KIDINS220: variants seen among roughly 807,000 people sequenced by gnomAD.
The protein encoded by KIDINS220 is kinase D-interacting substrate of 220 kDa.
KIDINS220 carries 63 observed loss-of-function variants against 157.6 expected under a neutral mutation model. The ratio of observed to expected loss-of-function variants is 0.40; its 90% CI spans 0.33 to 0.49. The LOEUF (loss-of-function observed/expected upper bound fraction) is 0.49, where lower values mean the gene tolerates loss of function less well. Ranked by LOEUF, KIDINS220 falls within the 20% of genes least tolerant of loss-of-function variation. The pLI, the probability that KIDINS220 is intolerant of heterozygous loss-of-function variation, is 0.66. For missense variants in KIDINS220, 1,772 were observed against 2,171.2 expected, an observed-to-expected ratio of 0.82 and a Z score of 3.65; for synonymous variants, 732 against 783.6, an observed-to-expected ratio of 0.93 and a Z score of 1.10.
downstream of KIDINS220, chr2:8,727,081 T>G: frequency 9.9e-7 from 1 of 1,005,730 alleles, no homozygotes; most frequent in South Asian, 1.6e-5. Flanking sequence ...GTTTCTATTT[T>G]TCAATTCAGT....
At chr2:8,799,446 C>T (rs1279792137) in intron 9 of KIDINS220, among the ~76,000 whole-genome samples, 1 of 151,906 alleles carries the variant, frequency 6.6e-6, no homozygotes, top group Non-Finnish European at 1.5e-5. Context: ...TCTTCACCTA[C>T]CTAAATCCAA....
Position 8,793,999 on chromosome 2 carries a change from T to C in KIDINS220, c.1099-12A>G, listed in dbSNP as rs778176180. ...GGAGTATCTCCTTTCTGTAAAATAA[T>C]AGTACGAAACTTGAACTTTCTTATC... is the stretch of plus-strand genomic sequence containing the variant. On this transcript the variant is annotated splice_polypyrimidine_tract_variant and intron_variant, in intron 11 of 29. Coordinates refer to ENST00000256707, the MANE Select transcript of KIDINS220 (RefSeq NM_020738.4). 3.8e-6 allele frequency: 6 copies of C among 1,583,932 alleles called. No individual in the cohort carries two copies. The African/African-American group carries it at 4.1e-5, about 11-fold the overall frequency.
At chr2:8,835,484 T>C (rs966918014) in intron 1 of KIDINS220, among the ~76,000 whole-genome samples, 2 of 151,956 alleles carry the variant, frequency 1.3e-5, no homozygotes, top group African/African-American at 4.8e-5. Flanking sequence ...ACACATAAAA[T>C]GATACAGTTC....
At chr2:8,781,153 A>ATATAATAT (rs70946383) in intron 17 of KIDINS220, among the ~76,000 whole-genome samples, 3 of 130,408 alleles carry the variant, frequency 2.3e-5, no homozygotes, top group African/African-American at 8.5e-5. Flanking sequence ...ATATATATAT[A>ATATAATAT]ATATATATAT....
rs749631573 is a variant in KIDINS220 at position 8,794,004 on chromosome 2, C to G, written c.1099-17G>C. On this transcript the variant is annotated splice_polypyrimidine_tract_variant and intron_variant, in intron 11 of 29. Coordinates refer to ENST00000256707, the MANE Select transcript of KIDINS220 (RefSeq NM_020738.4). ...ATCTCCTTTCTGTAAAATAATAGTA[C>G]GAAACTTGAACTTTCTTATCTTTAT... 1.7e-5 allele frequency: 27 copies of G among 1,572,648 alleles called. No individual in the cohort carries two copies. Among genetic ancestry groups the G allele is most frequent in the Non-Finnish European group, 2.3e-5 (27 of 1,161,890 alleles).
intron 1 of KIDINS220, among the ~76,000 whole-genome samples, chr2:8,832,279 T>C (rs1240978704): frequency 6.6e-6 from 1 of 152,228 alleles, no homozygotes; most frequent in South Asian, 2.1e-4. Context: ...AGTCTTTGAC[T>C]AGAGGGCACT....
intron 22 of KIDINS220, among the ~76,000 whole-genome samples, chr2:8,754,592 T>C (rs1036548832): frequency 1.3e-5 from 2 of 152,228 alleles, no homozygotes; most frequent in Non-Finnish European, 2.9e-5. Context: ...TTTCCTTCTA[T>C]GCTACCAATC....
intron 1 of KIDINS220, among the ~76,000 whole-genome samples, chr2:8,829,934 C>T (rs1558507413): frequency 6.6e-6 from 1 of 151,750 alleles, no homozygotes; most frequent in Non-Finnish European, 1.5e-5. Flanking sequence ...AGCCCCAGCT[C>T]ACCCCACAGC....
chr2:8,764,958 T>C (rs943862116), intron 22 of KIDINS220, among the ~76,000 whole-genome samples: 3 of 152,192 alleles, frequency 2.0e-5, no homozygotes, highest in South Asian at 4.1e-4. Context: ...AAGGTAACTA[T>C]GGCCAGTGTT....
intron 22 of KIDINS220, among the ~76,000 whole-genome samples, chr2:8,760,611 T>C (rs16866789): frequency 0.12 from 18,908 of 152,244 alleles, 1,280 homozygotes; most frequent in Middle Eastern, 0.21. Flanking sequence ...TAGGACTTTC[T>C]TAATGTTACA....
At chr2:8,801,727 G>C (rs547351120) in intron 8 of KIDINS220, among the ~76,000 whole-genome samples, 4 of 152,284 alleles carry the variant, frequency 2.6e-5, no homozygotes, top group African/African-American at 9.6e-5. Context: ...TCAACATAGT[G>C]AGACCCTGTC....
Position 8,760,708 on chromosome 2 carries a change from C to G in KIDINS220, c.3012-9064G>C, listed in dbSNP as rs565135150. Among the ~76,000 whole-genome samples the G allele has an allele frequency of 3.3e-5, 5 of 152,294 alleles. No individual in the cohort carries two copies. In the South Asian group the frequency reaches 1.0e-3, roughly 32 times the overall value. On this transcript the variant is annotated intron_variant, in intron 22 of 29. Transcript: ENST00000256707. ...TCCACAATTCTCCAATTTTAATATT[C>G]TTCAGAATAGCTCATTTTTCTCACT... is the stretch of plus-strand genomic sequence containing the variant.
chr2:8,750,666 C>G (rs1667220863), intron 23 of KIDINS220, among the ~76,000 whole-genome samples: 1 of 152,164 alleles, frequency 6.6e-6, no homozygotes, highest in African/African-American at 2.4e-5. Flanking sequence ...ATAACGTTAT[C>G]AAGTATTAAT....
Position 8,731,384 on chromosome 2 carries a change from C to T in KIDINS220, c.4652G>A (p.Arg1551Lys), listed in dbSNP as rs1359974260. The change falls in exon 30 of 30, where the codon AGA becomes AAA. Residue 1551 changes from arginine to lysine, a missense_variant. Physicochemically the swap from Arg to Lys is conservative, Grantham distance 26 (BLOSUM62 2). Transcript: ENST00000256707. This position sits in a 1 kb window ranked among gnomAD's most constrained non-coding sequence, Gnocchi z 5.2. ...KDRKAEGKVE[R>K]VPKSPEHSAE... is the part of the protein sequence containing the mutation. The stretch of plus-strand genomic sequence containing the variant: ...ACTGTGTTCTGGAGACTTCGGCACT[C>T]TCTCTACTTTCCCTTCGGCTTTTCT... 6.2e-7 allele frequency: 1 copy of T among 1,614,216 alleles called. No homozygotes were observed. The highest frequency in any genetic ancestry group is 1.7e-5 in the Admixed American group (1 of 60,026).
chr2:8,789,871 A>G lies in KIDINS220; in HGVS notation c.1621+9T>C. The G allele has an allele frequency of 6.4e-7, 1 of 1,569,662 alleles. No individual in the cohort carries two copies. Among genetic ancestry groups the G allele is most frequent in the Non-Finnish European group, 8.6e-7 (1 of 1,162,522 alleles). On this transcript the variant is annotated intron_variant, in intron 14 of 29. Transcript: ENST00000256707. ...CCATTTTTGAAAAAGATAAAAAGCAAAGACTTACTAAAGAATATATATAAG... is the reference window on the plus strand; with the variant it reads ...CCATTTTTGAAAAAGATAAAAAGCAGAGACTTACTAAAGAATATATATAAG...
intron 22 of KIDINS220, among the ~76,000 whole-genome samples, chr2:8,760,027 G>T (rs907611414): frequency 1.3e-5 from 2 of 152,202 alleles, no homozygotes; most frequent in African/African-American, 4.8e-5. Context: ...GCTGCTGACT[G>T]CTCACTGCAC....
chr2:8,759,231 GT>G (rs1405770076), intron 22 of KIDINS220, among the ~76,000 whole-genome samples: 2 of 152,106 alleles, frequency 1.3e-5, no homozygotes, highest in Non-Finnish European at 2.9e-5. Flanking sequence ...TATCTAATGT[GT>G]TTGACTTATG....
intron 2 of KIDINS220, among the ~76,000 whole-genome samples, chr2:8,822,436 C>A (rs1208866621): frequency 1.3e-5 from 2 of 152,052 alleles, no homozygotes; most frequent in Non-Finnish European, 2.9e-5. Flanking sequence ...ATAGCCTGGG[C>A]AACATTGTGA....
intron 15 of KIDINS220, 95 bp from the exon 16 acceptor site, chr2:8,786,452 CTTT>C: frequency 1.0e-6 from 1 of 978,904 alleles, no homozygotes; most frequent in Non-Finnish European, 1.5e-6. Flanking sequence ...CCTTTATTTT[CTTT>C]TTGTCTCTTT....
Sources: gnomAD v4.1 joint callset for allele counts (sites outside exome capture counted in the v4.1 genomes callset) on GRCh38, gnomAD v4.1.1 for gene constraint, Gnocchi (gnomAD v3.1) non-coding constraint, MANE v1.5 for transcripts, NCBI Gene and HGNC (gene_info 2026-07-23, HGNC 2026-07-21) for gene names.